SORCS3: variants seen among roughly 807,000 people sequenced by gnomAD.
SORCS3 encodes VPS10 domain-containing receptor SorCS3.
SORCS3 carries 57 observed loss-of-function variants against 146.3 expected under a neutral mutation model. The ratio of observed to expected loss-of-function variants is 0.39; its 90% CI spans 0.31 to 0.49. The LOEUF (loss-of-function observed/expected upper bound fraction) is 0.49. Ranked by LOEUF, SORCS3 falls within the 20% of genes least tolerant of loss-of-function variation. The probability of loss-of-function intolerance (pLI) is 0.92; values close to 1 mark genes in which losing one functional copy is unlikely to be tolerated. For synonymous variants in SORCS3, 653 were observed against 618.5 expected (o/e 1.06, Z -0.83); for missense variants, 1,341 against 1,575.5 (o/e 0.85, Z 2.52).
intron 14 of SORCS3, among the ~76,000 whole-genome samples, chr10:105,182,486 G>C (rs1467326335): frequency 2.0e-5 from 3 of 152,014 alleles, no homozygotes; most frequent in Non-Finnish European, 4.4e-5. Flanking sequence ...CCATCAAGGA[G>C]TACCAAGATG....
intron 3 of SORCS3, among the ~76,000 whole-genome samples, chr10:104,920,775 T>A (rs1037743872): frequency 6.6e-6 from 1 of 152,184 alleles, no homozygotes; most frequent in Non-Finnish European, 1.5e-5. Context: ...CCTGTCTAAA[T>A]GAGAGTATTG....
At chr10:105,105,591 G>T (rs2055815396) in intron 7 of SORCS3, 76 bp downstream of exon 7, 3 of 1,012,204 alleles carry the variant, frequency 3.0e-6, no homozygotes. Flanking sequence ...AAGGAGGGTG[G>T]CTTTCCCAAG....
intron 2 of SORCS3, among the ~76,000 whole-genome samples, chr10:104,904,009 G>A (rs1270995180): frequency 2.0e-5 from 3 of 152,148 alleles, no homozygotes; most frequent in African/African-American, 7.2e-5. Flanking sequence ...ATTTTAAAAT[G>A]AGTCAATATT....
At position 104,727,535 on chromosome 10, in the gene SORCS3, A is replaced by G. The variant is rs117935683; in HGVS notation, c.627+85581A>G. Among the ~76,000 whole-genome samples the G allele has an allele frequency of 7.3e-4, 81 of 110,350 alleles. 1 individual carries two copies. In the East Asian group the frequency reaches 0.021, roughly 28 times the overall value. 72.4% of individuals were successfully genotyped at this position (110,350 alleles called of 152,430 possible). A position where few individuals can be genotyped will look rare whatever the true frequency, so the allele number is the denominator to read the frequency against. ...TTTTGTATATTCTTAGAAGGGATAT[A>G]TGTGTGTGTGTATATATATATATAT... is the stretch of plus-strand genomic sequence containing the variant. On this transcript the variant is annotated intron_variant, in intron 1 of 26. Coordinates refer to ENST00000369701, the MANE Select transcript of SORCS3 (RefSeq NM_014978.3).
chr10:105,094,588 AC>A (rs2055732872), intron 6 of SORCS3, among the ~76,000 whole-genome samples: 1 of 152,172 alleles, frequency 6.6e-6, no homozygotes, highest in African/African-American at 2.4e-5. Context: ...GAGCTTCTAG[AC>A]TTGTATTTGA....
rs59033040 is a variant in SORCS3 at position 105,227,985 on chromosome 10, TTGTGTGTGTGTGTGTGTGTG to T, written c.2868+4766_2868+4785del. On this transcript the variant is annotated intron_variant, in intron 20 of 26. Transcript: ENST00000369701. Reference sequence around the variant, plus strand: ...TTGTAGGCAGCATATTGTGGTCATTTTGTGTGTGTGTGTGTGTGTGTGTGTGTGTGTGTGTGTGTGTGTGT... The same window carrying T: ...TTGTAGGCAGCATATTGTGGTCATTTTGTGTGTGTGTGTGTGTGTGTGTGT... Among the ~76,000 whole-genome samples the T allele has an allele frequency of 3.7e-3, 477 of 128,918 alleles. 3 individuals are homozygous for T. Among genetic ancestry groups the T allele is most frequent in the African/African-American group, 0.013 (433 of 34,092 alleles). The allele number at this position is 128,918 out of a possible 152,430, so 84.6% of individuals were successfully genotyped here. A position where few individuals can be genotyped will look rare whatever the true frequency, so the allele number is the denominator to read the frequency against.
At chr10:105,013,964 T>TAGACACAC (rs1019147387) in intron 4 of SORCS3, among the ~76,000 whole-genome samples, 2 of 131,690 alleles carry the variant, frequency 1.5e-5, no homozygotes, top group Non-Finnish European at 3.2e-5. Context: ...TTAGTTTGTG[T>TAGACACAC]AGACACACAG....
At chr10:105,073,090 C>T (rs2055568119) in intron 5 of SORCS3, among the ~76,000 whole-genome samples, 1 of 152,170 alleles carries the variant, frequency 6.6e-6, no homozygotes, top group Admixed American at 6.5e-5. Context: ...GAACTACATA[C>T]TTTACCCTAC....
At chr10:104,766,827 A>T (rs2133480768) in intron 1 of SORCS3, among the ~76,000 whole-genome samples, 1 of 152,334 alleles carries the variant, frequency 6.6e-6, no homozygotes, top group Non-Finnish European at 1.5e-5. Flanking sequence ...TGTAACTTGA[A>T]TTGTTTTTGA....
intron 4 of SORCS3, among the ~76,000 whole-genome samples, chr10:105,020,654 C>G (rs1046340032): frequency 3.3e-5 from 5 of 152,172 alleles, no homozygotes; most frequent in Non-Finnish European, 4.4e-5. Context: ...CTCCAAAAAA[C>G]TTATCACGGA....
In SORCS3 at chr10:104,708,503, A is replaced by G. The variant is rs568187034; in HGVS notation, c.627+66549A>G. 9.8e-5 allele frequency among the ~76,000 whole-genome samples: 15 copies of G among 152,322 alleles called. 2 individuals are homozygous for G. Among genetic ancestry groups the G allele is most frequent in the African/African-American group, 3.4e-4 (14 of 41,562 alleles). ...GAGATGTTAGGCCAAAGAAGTTGGT[A>G]AAGAAGAGAAAGTCCATGTATCTTC... On this transcript the variant is annotated intron_variant, in intron 1 of 26. Transcript: ENST00000369701.
At chr10:105,016,761 T>TC (rs1414578805) in intron 4 of SORCS3, among the ~76,000 whole-genome samples, 5 of 152,154 alleles carry the variant, frequency 3.3e-5, no homozygotes, top group Non-Finnish European at 7.3e-5. Context: ...GTCCGCCACT[T>TC]CAATCTCTTG....
intron 3 of SORCS3, among the ~76,000 whole-genome samples, chr10:104,945,804 A>G (rs1466054345): frequency 6.6e-6 from 1 of 151,184 alleles, no homozygotes; most frequent in East Asian, 1.9e-4. Context: ...TTTTTTTTAA[A>G]CTGTGTTTGC....
chr10:105,217,734 A>G (rs564303341), intron 19 of SORCS3: 16 of 447,170 alleles, frequency 3.6e-5, no homozygotes, highest in South Asian at 2.2e-4. Context: ...GCACAAACCA[A>G]AAGAACAGTT....
chr10:104,920,011 C>A (rs2019071356), intron 3 of SORCS3, among the ~76,000 whole-genome samples: 1 of 152,202 alleles, frequency 6.6e-6, no homozygotes, highest in African/African-American at 2.4e-5. Context: ...TTTTAAGTTT[C>A]CTTCTTTACG....
intron 1 of SORCS3, among the ~76,000 whole-genome samples, chr10:104,820,031 T>C (rs2017855044): frequency 6.6e-6 from 1 of 152,212 alleles, no homozygotes; most frequent in Non-Finnish European, 1.5e-5. Context: ...TACTTTAAAC[T>C]TAGTCTTAAG....
At chr10:105,065,095 G>T (rs933050057) in intron 5 of SORCS3, among the ~76,000 whole-genome samples, 5 of 152,296 alleles carry the variant, frequency 3.3e-5, no homozygotes, top group Middle Eastern at 3.4e-3. Flanking sequence ...CTTGATCTGT[G>T]TGAGTGAATA....
At chr10:105,189,911 G>A (rs1363902677) in intron 14 of SORCS3, among the ~76,000 whole-genome samples, 1 of 152,198 alleles carries the variant, frequency 6.6e-6, no homozygotes, top group African/African-American at 2.4e-5. Context: ...AATTCTTCAT[G>A]CAGTAGATGC....
chr10:105,052,907 G>T (rs986539066), intron 5 of SORCS3, among the ~76,000 whole-genome samples: 1 of 152,136 alleles, frequency 6.6e-6, no homozygotes, highest in Non-Finnish European at 1.5e-5. Context: ...TTGGTCTGGG[G>T]CTGTGCATTA....
Sources: gnomAD v4.1 joint callset for allele counts (sites outside exome capture counted in the v4.1 genomes callset) on GRCh38, gnomAD v4.1.1 for gene constraint, MANE v1.5 for transcripts, NCBI Gene and HGNC (gene_info 2026-07-23, HGNC 2026-07-21) for gene names.